The following TRRAP variants were observed in gnomAD, a reference collection of about 807,000 sequenced individuals.
TRRAP encodes transformation/transcription domain-associated protein.
Under a neutral mutation model 438.8 loss-of-function variants are expected in TRRAP, and 41 were observed. The observed-to-expected ratio is 0.09, with a 90% CI of 0.07 to 0.12. The LOEUF is 0.12. Ranked by LOEUF, TRRAP falls within the 10% of genes least tolerant of loss-of-function variation. The pLI, the probability that TRRAP is intolerant of heterozygous loss-of-function variation, is 1.00. For missense variants in TRRAP, 3,122 were observed against 5,055.1 expected (o/e 0.62, Z 11.60); for synonymous variants, 1,994 against 1,962.9 (o/e 1.02, Z -0.42).
In TRRAP at chr7:99,005,054, C is replaced by A. The variant is rs1397057720; in HGVS notation, c.10536-77C>A. The stretch of plus-strand genomic sequence containing the variant: ...GTCCGTTTTCCCGTGACAGTTCGGA[C>A]ATTCCTAGCTTCTTCTCAAGACAAG... On this transcript the variant is annotated intron_variant, in intron 68 of 72. Transcript: ENST00000456197. The surrounding 1 kb of genome is among the most constrained non-coding windows in gnomAD (Gnocchi z 5.1). 2 of 1,465,666 alleles carry A rather than the reference C, an allele frequency of 1.4e-6. No individual in the cohort carries two copies. The highest frequency in any genetic ancestry group is 1.2e-5 in the South Asian group (1 of 86,444). The allele number at this position is 1,465,666 out of a possible 1,614,324, so 90.8% of individuals were successfully genotyped here. A position where few individuals can be genotyped will look rare whatever the true frequency, so the allele number is the denominator to read the frequency against.
rs1456500936 is a variant in TRRAP, at chr7:99,005,818, G to A, written c.10753+470G>A. On this transcript the variant is annotated intron_variant, in intron 69 of 72. Coordinates refer to ENST00000456197, the MANE Select transcript of TRRAP (RefSeq NM_001375524.1). The surrounding 1 kb of genome is among the most constrained non-coding windows in gnomAD (Gnocchi z 5.1). ...TGTTCTAAGGTCTTTTGCACTCTAC[G>A]GAGTGGGCCCCTGGAGAGCTGGGGC... 6.6e-6 allele frequency among the ~76,000 whole-genome samples: 1 copy of A among 151,962 alleles called. No homozygotes were observed. Among genetic ancestry groups the A allele is most frequent in the Non-Finnish European group, 1.5e-5 (1 of 67,978 alleles).
At chr7:98,929,701 C>T (rs1428772186) in intron 23 of TRRAP, among the ~76,000 whole-genome samples, 1 of 151,724 alleles carries the variant, frequency 6.6e-6, no homozygotes, top group Non-Finnish European at 1.5e-5. Context: ...TCAAGTGATT[C>T]TCCCGCCTCA....
intron 18 of TRRAP, 104 bp downstream of exon 18, chr7:98,912,317 A>G: frequency 8.0e-7 from 1 of 1,244,832 alleles, no homozygotes. Flanking sequence ...TTCTGGACTC[A>G]AGCAATCCAC....
rs1313012234 is a variant in TRRAP, at chr7:98,895,929, A to G, written c.507+109A>G. On this transcript the variant is annotated intron_variant, in intron 7 of 72. Coordinates refer to ENST00000456197, the MANE Select transcript of TRRAP (RefSeq NM_001375524.1). ...AAATAGTGTGTGGGGAGGGTTTACT[A>G]TTTTAGAATGGGGAATGTTTAGCAA... The G allele has an allele frequency of 3.4e-5, 26 of 761,896 alleles. No homozygotes were observed. The Admixed American group carries it at 8.2e-4, about 24-fold the overall frequency. The allele number at this position is 761,896 out of a possible 1,614,324, so 47.2% of individuals were successfully genotyped here.
At position 98,893,876 on chromosome 7, in the gene TRRAP, C is replaced by G; in HGVS notation, c.445C>G (p.Gln149Glu). 6.2e-7 allele frequency: 1 copy of G among 1,613,158 alleles called. No individual in the cohort carries two copies. ...LHKQFRPPIT[Q>E]EIHHFLDFVK... ...CAAACAGTTCAGGCCACCGATCACA[C>G]AAGAAGTAAGTTGTTTAAAATCCTT... The change falls in exon 6 of 73, where the codon CAA (glutamine) becomes GAA (glutamate). Residue 149 changes from glutamine to glutamate, a missense_variant. By Grantham distance (29) the Gln-to-Glu change is conservative. This residue lies in a region of TRRAP where 343 missense variants were observed against 564.0 expected (regional missense o/e 0.61). Coordinates refer to ENST00000456197, the MANE Select transcript of TRRAP (RefSeq NM_001375524.1).
At chr7:98,885,259 T>A (rs558309414) in intron 3 of TRRAP, among the ~76,000 whole-genome samples, 80 of 151,482 alleles carry the variant, frequency 5.3e-4, no homozygotes, top group Non-Finnish European at 8.1e-4. Flanking sequence ...GGCTAATTTT[T>A]TTTTTTTTAG....
At chr7:98,930,341 C>G in intron 24 of TRRAP, 135 bp downstream of exon 24, 1 of 1,153,024 alleles carries the variant, frequency 8.7e-7, no homozygotes, top group Non-Finnish European at 1.2e-6. Flanking sequence ...CTTTGAGAGG[C>G]CAAGGCGGGC....
intron 53 of TRRAP, among the ~76,000 whole-genome samples, chr7:98,975,002 G>T (rs771535038): frequency 1.3e-5 from 2 of 152,192 alleles, no homozygotes; most frequent in Non-Finnish European, 1.5e-5. Context: ...AGCTTTATCA[G>T]CAGGTCAGTG....
At chr7:98,974,655 T>C (rs1332721640) in intron 53 of TRRAP, among the ~76,000 whole-genome samples, 1 of 152,182 alleles carries the variant, frequency 6.6e-6, no homozygotes, top group African/African-American at 2.4e-5. Flanking sequence ...AAGATCAAAA[T>C]TTCTAACCTC....
chr7:98,912,641 T>C (rs1554408956), intron 18 of TRRAP, among the ~76,000 whole-genome samples: 1 of 152,134 alleles, frequency 6.6e-6, no homozygotes, highest in African/African-American at 2.4e-5. Flanking sequence ...ACCTATTTTC[T>C]TTTTTTGGAT....
chr7:98,921,056 C>A (rs1188618111), intron 20 of TRRAP, among the ~76,000 whole-genome samples: 1 of 152,146 alleles, frequency 6.6e-6, no homozygotes, highest in African/African-American at 2.4e-5. Context: ...AGGCTGGTCT[C>A]GAACTACCGA....
At chr7:98,928,193 G>A (rs112767474) in intron 23 of TRRAP, among the ~76,000 whole-genome samples, 33 of 151,986 alleles carry the variant, frequency 2.2e-4, no homozygotes, top group Non-Finnish European at 4.6e-4. Context: ...AGCAGAGATC[G>A]TGCCATTGTT....
intron 56 of TRRAP, 39 bp from the exon 57 acceptor site, chr7:98,978,172 C>T: frequency 6.6e-7 from 1 of 1,516,418 alleles, no homozygotes; most frequent in Non-Finnish European, 9.1e-7. Context: ...AGGTGTGTTT[C>T]TAGTTAAACA....
chr7:98,947,921 C>T (rs1554417273), intron 33 of TRRAP, among the ~76,000 whole-genome samples: 1 of 152,198 alleles, frequency 6.6e-6, no homozygotes, highest in Admixed American at 6.5e-5. Flanking sequence ...GTAAGGTCAC[C>T]TTTACCACTT....
In TRRAP at chr7:98,908,839, G is replaced by T. The variant is rs140681775; in HGVS notation, c.1227G>T (p.Glu409Asp). 1.2e-6 allele frequency: 2 copies of T among 1,613,472 alleles called. No homozygotes were observed. Among genetic ancestry groups the T allele is most frequent in the Admixed American group, 3.3e-5 (2 of 59,918 alleles). ...TCTTCGCCAAGAACATCGACGATGAGTCCCTGCCCAGCAGCATCCAGACCA... is the reference window on the plus strand; with the variant it reads ...TCTTCGCCAAGAACATCGACGATGATTCCCTGCCCAGCAGCATCCAGACCA... The part of the protein sequence containing the change: ...VQLFAKNIDD[E>D]SLPSSIQTMS... Residue 409 changes from glutamate to aspartate, a missense_variant, in exon 14 of 73, where the codon GAG (glutamate) becomes GAT (aspartate). Coordinates refer to ENST00000456197, the MANE Select transcript of TRRAP (RefSeq NM_001375524.1). The surrounding 1 kb of genome is among the most constrained non-coding windows in gnomAD (Gnocchi z 4.1).
chr7:98,917,922 G>A (rs1277301424), intron 20 of TRRAP, among the ~76,000 whole-genome samples: 1 of 152,030 alleles, frequency 6.6e-6, no homozygotes, highest in African/African-American at 2.4e-5. Flanking sequence ...AGGAGTTGGA[G>A]ACCAGCCTGG....
At chr7:98,980,290 GTTAT>G (rs931759687) in intron 58 of TRRAP, among the ~76,000 whole-genome samples, 1 of 152,100 alleles carries the variant, frequency 6.6e-6, no homozygotes, top group Non-Finnish European at 1.5e-5. Context: ...CCCTTTTATT[GTTAT>G]TTATTGTTTT....
At chr7:98,985,865 C>T (rs1303861785) in intron 62 of TRRAP, among the ~76,000 whole-genome samples, 1 of 152,220 alleles carries the variant, frequency 6.6e-6, no homozygotes, top group Non-Finnish European at 1.5e-5. Context: ...TACAGTGTTA[C>T]ACAACCATTA....
intron 46 of TRRAP, among the ~76,000 whole-genome samples, chr7:98,962,077 A>C (rs1186950138): frequency 6.6e-6 from 1 of 152,228 alleles, no homozygotes; most frequent in Non-Finnish European, 1.5e-5. Context: ...GCATGTTATA[A>C]ATAAGTATAT....
Sources: allele counts gnomAD v4.1 joint callset (sites outside exome capture counted in the v4.1 genomes callset), GRCh38; gene constraint gnomAD v4.1.1; regional missense constraint gnomAD v4.1.1; non-coding constraint Gnocchi (gnomAD v3.1); transcripts MANE v1.5; gene names NCBI Gene and HGNC (gene_info 2026-07-23, HGNC 2026-07-21).